Variants in ADAM18 observed in about 807,000 individuals in gnomAD.
ADAM18 encodes ADAM metallopeptidase domain 18.
A neutral mutation model predicts 94.4 loss-of-function variants in ADAM18; 117 were observed. That is an observed-to-expected ratio of 1.24 (90% CI 1.07 to 1.45). ADAM18 has a LOEUF of 1.45. Among genes scored for constraint, ADAM18 ranks in the 40% most tolerant of loss-of-function variants. The pLI is 0.00. For synonymous variants in ADAM18, 327 were observed against 291.6 expected, an observed-to-expected ratio of 1.12 and a Z score of -1.24; for missense variants, 936 against 880.0, an observed-to-expected ratio of 1.06 and a Z score of -0.81.
At chr8:39,674,018 TTGCTGAGGAG>T (rs1252065633) in intron 14 of ADAM18, among the ~76,000 whole-genome samples, 12 of 152,308 alleles carry the variant, frequency 7.9e-5, no homozygotes, top group Admixed American at 3.3e-4. Flanking sequence ...TCATTTACAT[TTGCTGAGGAG>T]TGCTTTACTT....
intron 6 of ADAM18, among the ~76,000 whole-genome samples, chr8:39,613,271 C>T (rs974227675): frequency 6.6e-6 from 1 of 152,208 alleles, no homozygotes. Context: ...CTTGGCCTCT[C>T]AAGCACAGCA....
chr8:39,652,249 A>G (rs893967673), intron 12 of ADAM18, among the ~76,000 whole-genome samples: 4 of 152,126 alleles, frequency 2.6e-5, no homozygotes, highest in Admixed American at 1.3e-4. Context: ...ACAGTCAACA[A>G]AGTAAAGAGA....
intron 18 of ADAM18, among the ~76,000 whole-genome samples, chr8:39,720,284 A>G (rs1232335691): frequency 6.6e-6 from 1 of 151,532 alleles, no homozygotes; most frequent in East Asian, 1.9e-4. Flanking sequence ...AATGCAGACC[A>G]GATTAGTGAC....
At chr8:39,665,050 G>A (rs1820959439) in intron 13 of ADAM18, among the ~76,000 whole-genome samples, 1 of 152,116 alleles carries the variant, frequency 6.6e-6, no homozygotes, top group Non-Finnish European at 1.5e-5. Flanking sequence ...GATAGGTGAT[G>A]TCATCACTCC....
At chr8:39,698,862 T>G (rs1264812497) in intron 17 of ADAM18, among the ~76,000 whole-genome samples, 1 of 152,042 alleles carries the variant, frequency 6.6e-6, no homozygotes, top group African/African-American at 2.4e-5. Flanking sequence ...ATCTAAATCT[T>G]TCACCTAAAA....
intron 18 of ADAM18, among the ~76,000 whole-genome samples, chr8:39,722,214 T>TAC (rs1822775214): frequency 1.6e-5 from 1 of 63,660 alleles, no homozygotes; most frequent in African/African-American, 1.1e-4. Context: ...TGTGTGTGTG[T>TAC]GTGTATATAT....
At chr8:39,698,632 A>G (rs1180694091) in intron 17 of ADAM18, among the ~76,000 whole-genome samples, 2 of 151,884 alleles carry the variant, frequency 1.3e-5, no homozygotes, top group Admixed American at 1.3e-4. Flanking sequence ...ATACCTTTCT[A>G]TTTCCTTACA....
At chr8:39,615,110 A>C (rs1027551605) in intron 6 of ADAM18, among the ~76,000 whole-genome samples, 2 of 152,142 alleles carry the variant, frequency 1.3e-5, no homozygotes, top group East Asian at 3.9e-4. Flanking sequence ...AATGGACCTA[A>C]CATACATCTA....
At chr8:39,621,715 GTACATA>G (rs1819620070) in intron 6 of ADAM18, among the ~76,000 whole-genome samples, 1 of 151,994 alleles carries the variant, frequency 6.6e-6, no homozygotes, top group African/African-American at 2.4e-5. Context: ...AGAAAATATG[GTACATA>G]TACACCATGG....
At chr8:39,705,622 C>G (rs1306437689) in intron 17 of ADAM18, among the ~76,000 whole-genome samples, 1 of 152,058 alleles carries the variant, frequency 6.6e-6, no homozygotes, top group African/African-American at 2.4e-5. Flanking sequence ...TATTCAACAA[C>G]AAAAACATGG....
chr8:39,629,795 T>A (rs1343360880), intron 7 of ADAM18, among the ~76,000 whole-genome samples: 1 of 151,958 alleles, frequency 6.6e-6, no homozygotes, highest in Admixed American at 6.6e-5. Context: ...ATAAAAGATA[T>A]TTTATTTTAG....
At chr8:39,633,387 A>G (rs1819986278) in intron 7 of ADAM18, among the ~76,000 whole-genome samples, 1 of 152,206 alleles carries the variant, frequency 6.6e-6, no homozygotes, top group Non-Finnish European at 1.5e-5. Flanking sequence ...TTCTGATGAG[A>G]GCTCATAAGA....
At chr8:39,648,548 C>T (rs767594851) in intron 12 of ADAM18, 21 bp downstream of exon 12, 18 of 1,574,136 alleles carry the variant, frequency 1.1e-5, no homozygotes, top group Non-Finnish European at 1.3e-5. Context: ...AAGATTGAAA[C>T]TCGAGCACAA....
chr8:39,656,705 G>C (rs916361143), intron 12 of ADAM18, among the ~76,000 whole-genome samples: 4 of 152,080 alleles, frequency 2.6e-5, no homozygotes, highest in Non-Finnish European at 5.9e-5. Context: ...CTCAGATAAA[G>C]AATACATATA....
chr8:39,675,228 G>A (rs1320645028), intron 14 of ADAM18, among the ~76,000 whole-genome samples: 2 of 152,140 alleles, frequency 1.3e-5, no homozygotes, highest in Admixed American at 1.3e-4. Context: ...TTCCAACTTG[G>A]TTCCATTCTC....
chr8:39,674,215 C>CA (rs1563301364), intron 14 of ADAM18, among the ~76,000 whole-genome samples: 1 of 152,080 alleles, frequency 6.6e-6, no homozygotes, highest in East Asian at 1.9e-4. Flanking sequence ...CTAATATTGA[C>CA]AGGGGGGTGT....
chr8:39,730,029 TCA>T lies in ADAM18; in HGVS notation c.*90_*91del, dbSNP rs1823029172. On this transcript the variant is annotated 3_prime_UTR_variant, in exon 20 of 20. Transcript: ENST00000265707. ...CGTTATCCCCAATGCATTGTAAATGTCAAACTTTTGGAAAATAAAGCCTGCGT... is the reference window on the plus strand; with the variant it reads ...CGTTATCCCCAATGCATTGTAAATGTAACTTTTGGAAAATAAAGCCTGCGT... 1 of 1,390,612 alleles carries T rather than the reference TCA, an allele frequency of 7.2e-7. No homozygotes were observed. The highest frequency in any genetic ancestry group is 1.4e-5 in the African/African-American group (1 of 69,774). 86.1% of individuals were successfully genotyped at this position (1,390,612 alleles called of 1,614,324 possible).
chr8:39,631,619 T>C (rs1458114214), intron 7 of ADAM18, among the ~76,000 whole-genome samples: 3 of 152,028 alleles, frequency 2.0e-5, no homozygotes, highest in African/African-American at 7.2e-5. Flanking sequence ...GGTTTTGTCC[T>C]TTTTCTAATC....
intron 15 of ADAM18, 104 bp from the exon 16 acceptor site, chr8:39,679,933 T>C: frequency 9.2e-7 from 1 of 1,091,908 alleles, no homozygotes. Context: ...TTTTCAGTTG[T>C]TATACTATCA....
Sources: gnomAD v4.1 joint callset for allele counts (sites outside exome capture counted in the v4.1 genomes callset) on GRCh38, gnomAD v4.1.1 for gene constraint, MANE v1.5 for transcripts, NCBI Gene and HGNC (gene_info 2026-07-23, HGNC 2026-07-21) for gene names.